The following LRRC4C variants were observed in gnomAD, a reference collection of about 807,000 sequenced individuals.
LRRC4C encodes the protein leucine rich repeat containing 4C.
LRRC4C carries 5 observed loss-of-function variants against 33.6 expected under a neutral mutation model. The ratio of observed to expected loss-of-function variants is 0.15; its 90% CI spans 0.08 to 0.31. LRRC4C has a LOEUF of 0.31. LRRC4C is among the 10% of genes least tolerant of loss of function. The pLI, the probability that LRRC4C is intolerant of heterozygous loss-of-function variation, is 1.00. For synonymous variants in LRRC4C, 329 were observed against 302.0 expected (o/e 1.09, Z -0.93); for missense variants, 560 against 796.7 (o/e 0.70, Z 3.58).
intron 3 of LRRC4C, among the ~76,000 whole-genome samples, chr11:40,432,918 T>TA (rs1262814659): frequency 6.6e-6 from 1 of 152,190 alleles, no homozygotes; most frequent in Non-Finnish European, 1.5e-5. Flanking sequence ...GCAATGAATG[T>TA]AAAATCAATA....
At chr11:40,308,261 T>C (rs894638172) in intron 4 of LRRC4C, among the ~76,000 whole-genome samples, 3 of 152,316 alleles carry the variant, frequency 2.0e-5, no homozygotes, top group Non-Finnish European at 2.9e-5. Context: ...GAGTTTGAAA[T>C]CTAGCCAAGC....
chr11:41,191,863 A>G (rs972119656), intron 1 of LRRC4C, among the ~76,000 whole-genome samples: 4 of 152,148 alleles, frequency 2.6e-5, no homozygotes, highest in African/African-American at 4.8e-5. Context: ...TTGGAATTAG[A>G]TTCAACAGTT....
At chr11:41,317,145 A>G (rs12363107) in intron 1 of LRRC4C, among the ~76,000 whole-genome samples, 24,316 of 152,040 alleles carry the variant, frequency 0.16, 2,368 homozygotes, top group East Asian at 0.44. Context: ...TCCCAGCTTC[A>G]CTCCAAATTA....
At chr11:41,180,306 A>G (rs1290457464) in intron 1 of LRRC4C, among the ~76,000 whole-genome samples, 2 of 152,290 alleles carry the variant, frequency 1.3e-5, no homozygotes, top group African/African-American at 2.4e-5. Context: ...ACCTGCCACC[A>G]GGTTATTGTT....
At chr11:41,350,383 G>A (rs547099632) in intron 1 of LRRC4C, among the ~76,000 whole-genome samples, 10 of 151,612 alleles carry the variant, frequency 6.6e-5, no homozygotes, top group East Asian at 2.0e-4. Context: ...TGTGGCGGGC[G>A]CCTGTAGTCC....
chr11:40,950,662 G>A (rs1421887330), intron 1 of LRRC4C, among the ~76,000 whole-genome samples: 1 of 151,880 alleles, frequency 6.6e-6, no homozygotes, highest in African/African-American at 2.4e-5. Context: ...GAGAAAAATA[G>A]AACAATACAA....
intron 2 of LRRC4C, among the ~76,000 whole-genome samples, chr11:40,910,652 A>T (rs1292636048): frequency 1.3e-5 from 2 of 152,186 alleles, no homozygotes; most frequent in African/African-American, 2.4e-5. Flanking sequence ...CTGCATTTCC[A>T]ACTGAGGTAC....
At chr11:40,630,496 T>C (rs1427943049) in intron 3 of LRRC4C, among the ~76,000 whole-genome samples, 2 of 151,856 alleles carry the variant, frequency 1.3e-5, no homozygotes, top group South Asian at 4.1e-4. Context: ...ATGCAGCAAG[T>C]TTTGAGTTAC....
intron 1 of LRRC4C, among the ~76,000 whole-genome samples, chr11:41,065,545 G>C (rs11036209): frequency 0.17 from 25,938 of 152,166 alleles, 2,306 homozygotes; most frequent in East Asian, 0.21. Context: ...CATTCTCCCA[G>C]CATAGCGCAC....
chr11:40,264,427 G>T (rs1000280022), intron 4 of LRRC4C, among the ~76,000 whole-genome samples: 1 of 151,910 alleles, frequency 6.6e-6, no homozygotes, highest in African/African-American at 2.4e-5. Flanking sequence ...TAAATTCTTC[G>T]ACACCTATAC....
intron 1 of LRRC4C, among the ~76,000 whole-genome samples, chr11:41,096,113 G>A (rs1940793436): frequency 6.6e-6 from 1 of 151,988 alleles, no homozygotes; most frequent in Non-Finnish European, 1.5e-5. Context: ...ATGTTCTAGA[G>A]GTCAATGAAA....
In LRRC4C at chr11:40,583,426, T is replaced by G. The variant is rs1216193217; in HGVS notation, c.-270+64716A>C. 3.3e-5 allele frequency among the ~76,000 whole-genome samples: 5 copies of G among 152,330 alleles called. No homozygotes were observed. The East Asian group carries it at 9.7e-4, about 29-fold the overall frequency. On this transcript the variant is annotated intron_variant, in intron 3 of 6. Coordinates refer to ENST00000528697, the MANE Select transcript of LRRC4C (RefSeq NM_001258419.2). The stretch of plus-strand genomic sequence containing the variant: ...CTTTAATGGTGCCGCTTTCCTGCTT[T>G]CTGAATAAGAGGCTCTGCTTTTCAT...
At chr11:41,374,283 C>T (rs76704823) in intron 1 of LRRC4C, among the ~76,000 whole-genome samples, 1,660 of 152,202 alleles carry the variant, frequency 0.011, 35 homozygotes, top group African/African-American at 0.038. Context: ...GAAATTATCA[C>T]ACTATATGAT....
chr11:40,128,157 T>G (rs755118127), intron 6 of LRRC4C, among the ~76,000 whole-genome samples: 83 of 152,172 alleles, frequency 5.5e-4, no homozygotes, highest in Non-Finnish European at 1.0e-3. Context: ...GTAGGAATGA[T>G]GATAACAATA....
chr11:41,000,787 G>A (rs1854315387), intron 1 of LRRC4C, among the ~76,000 whole-genome samples: 1 of 152,080 alleles, frequency 6.6e-6, no homozygotes, highest in African/African-American at 2.4e-5. Context: ...TATTTAAAAT[G>A]GACAGTACTA....
At chr11:40,382,895 G>A (rs1180069620) in intron 3 of LRRC4C, among the ~76,000 whole-genome samples, 2 of 151,616 alleles carry the variant, frequency 1.3e-5, no homozygotes, top group African/African-American at 2.4e-5. Flanking sequence ...GGGTTTCACC[G>A]TGTTAGCCAG....
intron 2 of LRRC4C, among the ~76,000 whole-genome samples, chr11:40,912,637 A>G (rs1301223501): frequency 2.0e-5 from 3 of 152,220 alleles, no homozygotes; most frequent in Admixed American, 6.5e-5. Context: ...AACTGCATCA[A>G]CTAACGAGCA....
intron 1 of LRRC4C, among the ~76,000 whole-genome samples, chr11:41,307,406 T>A (rs1950535848): frequency 6.6e-6 from 1 of 151,902 alleles, no homozygotes; most frequent in South Asian, 2.1e-4. Context: ...CCAGGGACCC[T>A]CCCCCTGCCA....
chr11:40,332,393 T>C (rs1946401891), intron 3 of LRRC4C, among the ~76,000 whole-genome samples: 1 of 152,198 alleles, frequency 6.6e-6, no homozygotes, highest in Admixed American at 6.5e-5. Flanking sequence ...TTTATTTTTA[T>C]TTTTAAGACA....
Sources: gnomAD v4.1 joint callset for allele counts (sites outside exome capture counted in the v4.1 genomes callset) on GRCh38, gnomAD v4.1.1 for gene constraint, MANE v1.5 for transcripts, NCBI Gene and HGNC (gene_info 2026-07-23, HGNC 2026-07-21) for gene names.